Variants in PROX1 observed in about 807,000 individuals in gnomAD.
PROX1 encodes the protein prospero homeobox 1.
In PROX1, 7 loss-of-function variants were observed where a neutral mutation model predicts 58.8. The ratio of observed to expected loss-of-function variants is 0.12; its 90% CI spans 0.07 to 0.22. The LOEUF is 0.22. PROX1 is among the 10% of genes least tolerant of loss of function. The pLI is 1.00. For missense variants in PROX1, 675 were observed against 927.8 expected (o/e 0.73, Z 3.54); for synonymous variants, 350 against 358.3 (o/e 0.98, Z 0.26).
In PROX1 at chr1:214,036,366, C is replaced by A. The variant is rs1474257876; in HGVS notation, c.*532C>A. 1 of 152,120 alleles carries A rather than the reference C, an allele frequency of 6.6e-6. No homozygotes were observed. Among genetic ancestry groups the A allele is most frequent in the African/African-American group, 2.4e-5 (1 of 41,398 alleles). 9.4% of individuals were successfully genotyped at this position (152,120 alleles called of 1,614,324 possible). On this transcript the variant is annotated 3_prime_UTR_variant, in exon 5 of 5. Transcript: ENST00000366958. ...TTTCCTTACATGTTTAAAAATAATT[C>A]CAATGACAGATGAGCAGCTCACTTT...
intron 4 of PROX1, among the ~76,000 whole-genome samples, chr1:214,025,749 G>A (rs533349103): frequency 1.3e-5 from 2 of 149,452 alleles, no homozygotes; most frequent in Non-Finnish European, 3.0e-5. Context: ...TGCAACCTCC[G>A]CCTCTTGGGT....
intron 4 of PROX1, among the ~76,000 whole-genome samples, chr1:214,023,306 G>A (rs746669910): frequency 5.3e-5 from 8 of 150,576 alleles, no homozygotes; most frequent in Non-Finnish European, 1.0e-4. Context: ...TATAATGTAC[G>A]TCTCCTCTCT....
intron 4 of PROX1, among the ~76,000 whole-genome samples, chr1:214,034,771 A>C (rs1664775200): frequency 6.6e-6 from 1 of 152,112 alleles, no homozygotes; most frequent in African/African-American, 2.4e-5. Context: ...GGGAATGTTT[A>C]TTTTGGATGA....
intron 2 of PROX1, among the ~76,000 whole-genome samples, chr1:214,001,540 C>A (rs1456370323): frequency 6.6e-6 from 1 of 152,132 alleles, no homozygotes; most frequent in Non-Finnish European, 1.5e-5. Context: ...GCCGTTAAGA[C>A]GTGCAGGTGA....
At chr1:213,995,148 T>C (rs1663212597) in intron 1 of PROX1, among the ~76,000 whole-genome samples, 1 of 152,042 alleles carries the variant, frequency 6.6e-6, no homozygotes, top group Non-Finnish European at 1.5e-5. Flanking sequence ...GAAGATGTGC[T>C]CTGTTAAGCA....
Position 213,996,477 on chromosome 1 carries a change from G to C in PROX1, c.-59G>C, listed in dbSNP as rs1328731048. The stretch of plus-strand genomic sequence containing the variant: ...TTTGTTCTGTTGGCCAGGGTCCCGG[G>C]ATTCTTGAGCTGTGCCCAGCTGACG... On this transcript the variant is annotated 5_prime_UTR_variant, in exon 2 of 5. Transcript: ENST00000366958. The C allele has an allele frequency of 2.0e-6, 3 of 1,533,228 alleles. No individual in the cohort carries two copies. The highest frequency in any genetic ancestry group is 2.6e-6 in the Non-Finnish European group (3 of 1,139,714). The allele number at this position is 1,533,228 out of a possible 1,614,324, so 95.0% of individuals were successfully genotyped here.
chr1:214,034,945 T>C, intron 4 of PROX1, among the ~76,000 whole-genome samples: 1 of 145,628 alleles, frequency 6.9e-6, no homozygotes, highest in East Asian at 2.0e-4. Context: ...AAAAAGTTAG[T>C]TTGTATTATT....
At chr1:214,015,829 G>A (rs772604403) in intron 4 of PROX1, among the ~76,000 whole-genome samples, 1 of 152,136 alleles carries the variant, frequency 6.6e-6, no homozygotes, top group Non-Finnish European at 1.5e-5. Context: ...GTACCGGGAG[G>A]TAGTGTTTCC....
chr1:213,998,874 C>CT (rs59232877), intron 2 of PROX1, among the ~76,000 whole-genome samples: 51 of 147,814 alleles, frequency 3.5e-4, no homozygotes, highest in African/African-American at 9.2e-4. Flanking sequence ...TTAAGTGAGA[C>CT]TTTTTTTTTT....
At chr1:213,989,131 G>A (rs1662923061) in intron 1 of PROX1, among the ~76,000 whole-genome samples, 1 of 152,060 alleles carries the variant, frequency 6.6e-6, no homozygotes, top group African/African-American at 2.4e-5. Context: ...GCAGAGGACC[G>A]GGAACTGGGA....
At chr1:214,005,136 T>C (rs1225374424) in intron 2 of PROX1, 29 bp from the exon 3 acceptor site, 20 of 1,570,762 alleles carry the variant, frequency 1.3e-5, no homozygotes, top group Non-Finnish European at 1.6e-5. Context: ...GCTTACAGAA[T>C]TGCTTTTCCT....
At chr1:214,024,961 G>C (rs897357323) in intron 4 of PROX1, among the ~76,000 whole-genome samples, 1 of 152,128 alleles carries the variant, frequency 6.6e-6, no homozygotes, top group Non-Finnish European at 1.5e-5. Flanking sequence ...CCAAATTTAC[G>C]GGGCTGACTT....
upstream of PROX1, chr1:213,987,960 G>C (rs1315835015): frequency 6.6e-6 from 1 of 151,454 alleles, no homozygotes; most frequent in South Asian, 2.1e-4. Flanking sequence ...TCTTGTTGTG[G>C]AGCGGAGCCC....
intron 4 of PROX1, among the ~76,000 whole-genome samples, chr1:214,031,916 C>T (rs1260065565): frequency 6.6e-6 from 1 of 152,188 alleles, no homozygotes; most frequent in Non-Finnish European, 1.5e-5. Context: ...CTGGGAGCCA[C>T]CAAACACATG....
In PROX1 at chr1:214,039,529, T is replaced by C. The variant is rs1465736373; in HGVS notation, c.*3695T>C. The C allele has an allele frequency of 6.6e-6, 1 of 152,190 alleles. No individual in the cohort carries two copies. Among genetic ancestry groups the C allele is most frequent in the African/African-American group, 2.4e-5 (1 of 41,456 alleles). 9.4% of individuals were successfully genotyped at this position (152,190 alleles called of 1,614,324 possible). A position where few individuals can be genotyped will look rare whatever the true frequency, so the allele number is the denominator to read the frequency against. Reference sequence around the variant, plus strand: ...AAAGCAATGTAAATATTTAACCTCATGGCTGTCATTATGTAAGACATGAGA... The same window carrying C: ...AAAGCAATGTAAATATTTAACCTCACGGCTGTCATTATGTAAGACATGAGA... On this transcript the variant is annotated 3_prime_UTR_variant, in exon 5 of 5. Coordinates refer to ENST00000366958, the MANE Select transcript of PROX1 (RefSeq NM_001270616.2).
intron 2 of PROX1, among the ~76,000 whole-genome samples, chr1:214,000,366 A>G (rs1439975118): frequency 2.0e-5 from 3 of 152,218 alleles, no homozygotes; most frequent in Non-Finnish European, 4.4e-5. Context: ...AATTGAAATA[A>G]GTTCCTTTTA....
At chr1:214,014,405 G>A (rs1664023285) in intron 4 of PROX1, among the ~76,000 whole-genome samples, 2 of 152,212 alleles carry the variant, frequency 1.3e-5, no homozygotes, top group Admixed American at 1.3e-4. Context: ...CGTCTACACG[G>A]TGCCCCAAGA....
chr1:214,035,714 A>G lies in PROX1; in HGVS notation c.2094A>G (p.Ala698=), dbSNP rs1207039934. Residue 698 remains alanine, a synonymous_variant, in exon 5 of 5, where the codon GCA becomes GCG. Transcript: ENST00000366958. ...TLREFFNAII[A]GKDVDPSWKK... ...GGGAGTTTTTCAATGCCATTATCGCAGGCAAAGATGTTGATCCTTCCTGGA... is the reference window on the plus strand; with the variant it reads ...GGGAGTTTTTCAATGCCATTATCGCGGGCAAAGATGTTGATCCTTCCTGGA... The G allele has an allele frequency of 6.2e-7, 1 of 1,613,956 alleles. No individual in the cohort carries two copies. Among genetic ancestry groups the G allele is most frequent in the East Asian group, 2.2e-5 (1 of 44,866 alleles).
chr1:213,992,568 A>G (rs1356085847), intron 1 of PROX1, among the ~76,000 whole-genome samples: 1 of 152,154 alleles, frequency 6.6e-6, no homozygotes, highest in Non-Finnish European at 1.5e-5. Flanking sequence ...TGACCCAAGT[A>G]GATTAGAGGC....
Sources: gnomAD v4.1 joint callset for allele counts (sites outside exome capture counted in the v4.1 genomes callset) on GRCh38, gnomAD v4.1.1 for gene constraint, MANE v1.5 for transcripts, NCBI Gene and HGNC (gene_info 2026-07-23, HGNC 2026-07-21) for gene names.